Variants in CDH18 observed in about 807,000 individuals in gnomAD.
The protein encoded by CDH18 is cadherin 18, also known as cadherin-18.
In CDH18, 31 loss-of-function variants were observed where a neutral mutation model predicts 67.9. The ratio of observed to expected loss-of-function variants is 0.46; its 90% CI spans 0.34 to 0.62. The LOEUF (loss-of-function observed/expected upper bound fraction) is 0.62, where lower values mean the gene tolerates loss of function less well. Among genes scored for constraint, CDH18 ranks in the 20% least tolerant of loss-of-function variants. CDH18 has a pLI of 0.01. For synonymous variants in CDH18, 362 were observed against 347.2 expected (o/e 1.04, Z -0.48); for missense variants, 890 against 975.5 (o/e 0.91, Z 1.17).
chr5:20,101,886 A>G (rs1746500014), intron 2 of CDH18, among the ~76,000 whole-genome samples: 1 of 152,192 alleles, frequency 6.6e-6, no homozygotes, highest in African/African-American at 2.4e-5. Context: ...ATCCTGGCCA[A>G]CATGGTGAAA....
At chr5:20,170,949 C>T (rs1269454731) in intron 2 of CDH18, among the ~76,000 whole-genome samples, 2 of 151,890 alleles carry the variant, frequency 1.3e-5, no homozygotes, top group African/African-American at 4.8e-5. Flanking sequence ...TAAAGGAGAT[C>T]CTGTGATATT....
chr5:19,755,436 T>TATATAC lies in CDH18; in HGVS notation c.229-8201_229-8200insGTATAT, dbSNP rs1554024324. 4.9e-3 allele frequency among the ~76,000 whole-genome samples: 47 copies of TATATAC among 9,646 alleles called. 2 individuals are homozygous for TATATAC. The highest frequency in any genetic ancestry group is 5.7e-3 in the African/African-American group (47 of 8,278). The allele number at this position is 9,646 out of a possible 152,430, so 6.3% of individuals were successfully genotyped here. On this transcript the variant is annotated intron_variant, in intron 3 of 12. Coordinates refer to ENST00000382275, the MANE Select transcript of CDH18 (RefSeq NM_004934.5). ...GGACAGAACTAACAGGGTATGTATA[T>TATATAC]ATATATATATATATATATATATACA...
At chr5:20,553,660 C>A (rs1389137325) in intron 1 of CDH18, among the ~76,000 whole-genome samples, 1 of 152,140 alleles carries the variant, frequency 6.6e-6, no homozygotes, top group Non-Finnish European at 1.5e-5. Context: ...CACTGCGTAA[C>A]CAAAGTTGAC....
chr5:20,347,367 C>A (rs558554191), intron 1 of CDH18, among the ~76,000 whole-genome samples: 1 of 152,290 alleles, frequency 6.6e-6, no homozygotes, highest in Admixed American at 6.5e-5. Context: ...GCTTGAGCAG[C>A]TAGTGTGGTT....
chr5:20,045,054 C>G (rs1740786987), intron 2 of CDH18, among the ~76,000 whole-genome samples: 1 of 152,110 alleles, frequency 6.6e-6, no homozygotes, highest in Admixed American at 6.6e-5. Flanking sequence ...CAGATTTTCT[C>G]TATCAGCATT....
chr5:20,305,622 A>T, intron 1 of CDH18: 3 of 479,934 alleles, frequency 6.3e-6, no homozygotes, highest in African/African-American at 2.0e-5. Context: ...CGGCAAACCC[A>T]GAGACTCAAA....
intron 1 of CDH18, among the ~76,000 whole-genome samples, chr5:20,570,878 T>G (rs986251): frequency 0.6 from 91,242 of 151,958 alleles, 27,747 homozygotes; most frequent in African/African-American, 0.64. Flanking sequence ...TATGCACACA[T>G]AGTTTCACAA....
At chr5:20,530,420 A>C (rs1310466935) in intron 1 of CDH18, among the ~76,000 whole-genome samples, 2 of 152,092 alleles carry the variant, frequency 1.3e-5, no homozygotes, top group Non-Finnish European at 2.9e-5. Context: ...AAAGAATACA[A>C]TATAGCCAGG....
chr5:20,464,033 A>G (rs1193353651), intron 1 of CDH18, among the ~76,000 whole-genome samples: 1 of 152,148 alleles, frequency 6.6e-6, no homozygotes. Flanking sequence ...GTTTGGATAC[A>G]TGAAAGCCAG....
chr5:19,821,084 C>T (rs569448371), intron 3 of CDH18, among the ~76,000 whole-genome samples: 12 of 152,170 alleles, frequency 7.9e-5, no homozygotes, highest in African/African-American at 2.2e-4. Context: ...ACTAGCTCCC[C>T]GGCAATGGAT....
At chr5:19,906,789 C>T (rs140540660) in intron 2 of CDH18, among the ~76,000 whole-genome samples, 143 of 151,994 alleles carry the variant, frequency 9.4e-4, no homozygotes, top group East Asian at 4.3e-3. Flanking sequence ...ATAAATAGAT[C>T]CATGATTGGG....
intron 2 of CDH18, among the ~76,000 whole-genome samples, chr5:20,080,441 G>T (rs544059673): frequency 1.3e-5 from 2 of 152,056 alleles, no homozygotes; most frequent in African/African-American, 4.8e-5. Context: ...CAACTGAGTC[G>T]CATGGCTAGA....
intron 2 of CDH18, among the ~76,000 whole-genome samples, chr5:19,977,742 A>G (rs1798634266): frequency 6.6e-6 from 1 of 152,046 alleles, no homozygotes; most frequent in Admixed American, 6.6e-5. Context: ...GAACATTTTC[A>G]TAGGTGTTAT....
At chr5:20,101,125 C>A (rs924749952) in intron 2 of CDH18, among the ~76,000 whole-genome samples, 1 of 149,480 alleles carries the variant, frequency 6.7e-6, no homozygotes, top group African/African-American at 2.5e-5. Flanking sequence ...TTTTTTTTTT[C>A]TTCAGTTTTT....
intron 5 of CDH18, among the ~76,000 whole-genome samples, chr5:19,719,631 T>C (rs1344370015): frequency 6.6e-6 from 1 of 151,932 alleles, no homozygotes; most frequent in Non-Finnish European, 1.5e-5. Flanking sequence ...TATTAAGTGA[T>C]ACCTTGGAAC....
At chr5:19,906,847 C>G (rs150465909) in intron 2 of CDH18, among the ~76,000 whole-genome samples, 143 of 152,098 alleles carry the variant, frequency 9.4e-4, no homozygotes, top group East Asian at 4.3e-3. Context: ...CAAGACACAA[C>G]TATCACCTGC....
intron 2 of CDH18, among the ~76,000 whole-genome samples, chr5:20,240,261 A>T (rs377311772): frequency 7.8e-6 from 1 of 127,818 alleles, no homozygotes; most frequent in Non-Finnish European, 1.6e-5. Flanking sequence ...ATCAAATTAA[A>T]TTTTAGCAGT....
At position 20,424,745 on chromosome 5, in the gene CDH18, T is replaced by TA. The variant is rs67349001; in HGVS notation, c.-580+150716dup. ...CTGGGTAATAGAGCAAGACTCTGTC[T>TA]AAAAAAAAAAAAAAAAAAAAAAAAA... On this transcript the variant is annotated intron_variant, in intron 1 of 14. Coordinates refer to the CDH18 transcript ENST00000507958. Among the ~76,000 whole-genome samples, 162 of 42,926 alleles carry TA rather than the reference T, an allele frequency of 3.8e-3. 12 individuals are homozygous for TA. Among genetic ancestry groups the TA allele is most frequent in the African/African-American group, 0.012 (106 of 8,700 alleles). The allele number at this position is 42,926 out of a possible 152,430, so 28.2% of individuals were successfully genotyped here.
intron 9 of CDH18, among the ~76,000 whole-genome samples, chr5:19,543,309 T>A (rs962109306): frequency 6.6e-6 from 1 of 152,088 alleles, no homozygotes; most frequent in Admixed American, 6.6e-5. Context: ...CACAATGGAA[T>A]ATTCTGGGTG....
Sources: allele counts gnomAD v4.1 joint callset (sites outside exome capture counted in the v4.1 genomes callset), GRCh38; gene constraint gnomAD v4.1.1; transcripts MANE v1.5; gene names NCBI Gene and HGNC (gene_info 2026-07-23, HGNC 2026-07-21).